GABPB2: variants seen among roughly 807,000 people sequenced by gnomAD.
The protein encoded by GABPB2 is GA-binding protein subunit beta-2.
A neutral mutation model predicts 39.1 loss-of-function variants in GABPB2; 23 were observed. The ratio of observed to expected loss-of-function variants is 0.59; its 90% CI spans 0.42 to 0.83. The LOEUF (loss-of-function observed/expected upper bound fraction) is 0.83, where lower values mean the gene tolerates loss of function less well. Ranked by LOEUF, GABPB2 falls within the 40% of genes least tolerant of loss-of-function variation. The probability of loss-of-function intolerance (pLI) is 0.00; values close to 1 mark genes in which losing one functional copy is unlikely to be tolerated. For synonymous variants in GABPB2, 184 were observed against 199.3 expected (o/e 0.92, Z 0.65); for missense variants, 467 against 541.1 (o/e 0.86, Z 1.36).
chr1:151,103,044 CTTTTT>C (rs376522230), intron 5 of GABPB2, among the ~76,000 whole-genome samples: 2 of 88,240 alleles, frequency 2.3e-5, no homozygotes. Flanking sequence ...ACAAAGTATA[CTTTTT>C]TTTTTTTTTT....
Position 151,103,559 on chromosome 1 carries a change from T to G in GABPB2, c.623-3T>G, listed in dbSNP as rs773631993. 1 of 1,604,236 alleles carries G rather than the reference T, an allele frequency of 6.2e-7. No homozygotes were observed. Among genetic ancestry groups the G allele is most frequent in the Non-Finnish European group, 8.5e-7 (1 of 1,171,954 alleles). ...ACCTCATTTGTCTTTCTTACTGAAA[T>G]AGGTGACCCCCATGCCTCAACAGTA... On this transcript the variant is annotated splice_region_variant and splice_polypyrimidine_tract_variant and intron_variant, in intron 5 of 8. Transcript: ENST00000368918.
At chr1:151,084,433 T>A (rs1677994718) in intron 1 of GABPB2, among the ~76,000 whole-genome samples, 1 of 149,220 alleles carries the variant, frequency 6.7e-6, no homozygotes, top group South Asian at 2.1e-4. Context: ...TCCATGTTGG[T>A]CAGGCTGGTC....
At chr1:151,085,592 C>T (rs1678115077) in intron 1 of GABPB2, among the ~76,000 whole-genome samples, 1 of 152,022 alleles carries the variant, frequency 6.6e-6, no homozygotes, top group Non-Finnish European at 1.5e-5. Flanking sequence ...AGGCATCTGC[C>T]ACCACACCTG....
chr1:151,100,333 C>T (rs1679415543), intron 5 of GABPB2, among the ~76,000 whole-genome samples: 1 of 151,300 alleles, frequency 6.6e-6, no homozygotes, highest in Admixed American at 6.6e-5. Context: ...TTAGTAGAGA[C>T]GGGGTTTCAC....
chr1:151,119,711 C>T lies in GABPB2; in HGVS notation c.*1455C>T, dbSNP rs1681106001. The T allele has an allele frequency of 6.6e-6, 1 of 152,474 alleles. No homozygotes were observed. The highest frequency in any genetic ancestry group is 2.1e-4 in the South Asian group (1 of 4,842). The allele number at this position is 152,474 out of a possible 1,614,324, so 9.4% of individuals were successfully genotyped here. ...CAAGATCGTGCCACTGCACTCCAGC[C>T]TGGCGACACAGTGAGACTCTGTCTC... On this transcript the variant is annotated 3_prime_UTR_variant, in exon 9 of 9. Coordinates refer to ENST00000368918, the MANE Select transcript of GABPB2 (RefSeq NM_144618.3).
chr1:151,103,821 T>A, intron 6 of GABPB2, 146 bp downstream of exon 6: 1 of 595,462 alleles, frequency 1.7e-6, no homozygotes, highest in African/African-American at 1.9e-5. Context: ...TCATTGAACA[T>A]CAGAAAGAAA....
chr1:151,109,851 T>A (rs1054207154), intron 7 of GABPB2, among the ~76,000 whole-genome samples: 4 of 151,252 alleles, frequency 2.6e-5, no homozygotes, highest in African/African-American at 4.9e-5. Flanking sequence ...TTTATTTTTT[T>A]AATTTTAGAC....
At chr1:151,074,310 CT>C (rs113264875) in intron 1 of GABPB2, among the ~76,000 whole-genome samples, 1,120 of 105,818 alleles carry the variant, frequency 0.011, 11 homozygotes, top group African/African-American at 0.029. Flanking sequence ...CATGCTTCCG[CT>C]TTTTTTTTTT....
chr1:151,082,274 A>G (rs1297638345), intron 1 of GABPB2, among the ~76,000 whole-genome samples: 1 of 148,968 alleles, frequency 6.7e-6, no homozygotes, highest in East Asian at 2.0e-4. Flanking sequence ...ATGGGGTTTC[A>G]CCATGTTGGC....
rs587636457 is a variant in GABPB2 at position 151,120,886 on chromosome 1, A to C, written c.*2630A>C. 2.0e-5 allele frequency: 3 copies of C among 151,386 alleles called. No individual in the cohort carries two copies. The highest frequency in any genetic ancestry group is 6.6e-5 in the Admixed American group (1 of 15,054). 9.4% of individuals were successfully genotyped at this position (151,386 alleles called of 1,614,324 possible). On this transcript the variant is annotated 3_prime_UTR_variant, in exon 9 of 9. Coordinates refer to ENST00000368918, the MANE Select transcript of GABPB2 (RefSeq NM_144618.3). ...ATTCTCCTGCCTCAGCCTCCCGAGT[A>C]GCTGGGATTACAGGCACGCGCCACC...
intron 1 of GABPB2, among the ~76,000 whole-genome samples, chr1:151,071,172 G>C (rs867206334): frequency 5.9e-5 from 9 of 152,140 alleles, no homozygotes; most frequent in African/African-American, 1.9e-4. Flanking sequence ...GTAAGACCTG[G>C]GGCTGGGGAG....
At chr1:151,094,258 C>A (rs1678936079) in intron 4 of GABPB2, among the ~76,000 whole-genome samples, 1 of 151,592 alleles carries the variant, frequency 6.6e-6, no homozygotes, top group African/African-American at 2.4e-5. Context: ...CGCCATGTTG[C>A]CCAGGCTGGT....
intron 4 of GABPB2, among the ~76,000 whole-genome samples, chr1:151,096,298 C>T (rs587744902): frequency 5.3e-5 from 8 of 151,760 alleles, no homozygotes; most frequent in Admixed American, 3.9e-4. Flanking sequence ...TGGCAGCGTG[C>T]GCCTATAGTC....
chr1:151,103,704 T>C, intron 6 of GABPB2, 29 bp downstream of exon 6: 1 of 1,397,156 alleles, frequency 7.2e-7, no homozygotes, highest in African/African-American at 1.4e-5. Flanking sequence ...GCTGGGTGAA[T>C]CACCACTTTT....
At chr1:151,107,329 G>C in intron 7 of GABPB2, 107 bp downstream of exon 7, 5 of 690,534 alleles carry the variant, frequency 7.2e-6, no homozygotes, top group Non-Finnish European at 1.0e-5. Flanking sequence ...GAGATTGCCA[G>C]ATGCAAGTTG....
At chr1:151,112,242 A>AAC (rs1174613766) in intron 7 of GABPB2, 5 of 151,470 alleles carry the variant, frequency 3.3e-5, no homozygotes, top group South Asian at 2.1e-4. Flanking sequence ...AAAAAAAAAA[A>AAC]AAAAACCTAT....
At chr1:151,102,255 AG>A (rs1373002449) in intron 5 of GABPB2, among the ~76,000 whole-genome samples, 2 of 152,154 alleles carry the variant, frequency 1.3e-5, no homozygotes, top group Non-Finnish European at 2.9e-5. Flanking sequence ...CGGGAGGCGG[AG>A]GTTGCAATGA....
intron 7 of GABPB2, among the ~76,000 whole-genome samples, chr1:151,116,789 T>C (rs1027588755): frequency 5.3e-5 from 8 of 151,990 alleles, no homozygotes; most frequent in African/African-American, 1.9e-4. Context: ...TTGTATTTTT[T>C]TTGCGGAGAC....
chr1:151,108,672 C>T (rs2101552147), intron 7 of GABPB2, among the ~76,000 whole-genome samples: 1 of 152,182 alleles, frequency 6.6e-6, no homozygotes, highest in South Asian at 2.1e-4. Context: ...CAGCTATATT[C>T]AGACTGAGGC....
Sources: allele counts gnomAD v4.1 joint callset (sites outside exome capture counted in the v4.1 genomes callset), GRCh38; gene constraint gnomAD v4.1.1; transcripts MANE v1.5; gene names NCBI Gene and HGNC (gene_info 2026-07-23, HGNC 2026-07-21).